SUN2: variants seen among roughly 807,000 people sequenced by gnomAD.
The protein encoded by SUN2 is SUN domain-containing protein 2.
A neutral mutation model predicts 100.0 loss-of-function variants in SUN2; 60 were observed. The observed-to-expected ratio is 0.60, with a 90% CI of 0.49 to 0.74. The LOEUF (loss-of-function observed/expected upper bound fraction) is 0.74. Among genes scored for constraint, SUN2 ranks in the 30% least tolerant of loss-of-function variants. The pLI is 0.00. For missense variants in SUN2, 834 were observed against 954.6 expected (o/e 0.87, Z 1.66); for synonymous variants, 367 against 403.3 (o/e 0.91, Z 1.08).
chr22:38,740,683 C>T lies in SUN2; in HGVS notation c.1191-251G>A, dbSNP rs938954537. The T allele has an allele frequency of 1.0e-5, 6 of 574,308 alleles. No individual in the cohort carries two copies. Among genetic ancestry groups the T allele is most frequent in the African/African-American group, 5.6e-5 (3 of 53,468 alleles). The allele number at this position is 574,308 out of a possible 1,614,324, so 35.6% of individuals were successfully genotyped here. A position where few individuals can be genotyped will look rare whatever the true frequency, so the allele number is the denominator to read the frequency against. On this transcript the variant is annotated intron_variant, in intron 11 of 17. Coordinates refer to ENST00000689035, the MANE Select transcript of SUN2 (RefSeq NM_015374.3). This position sits in a 1 kb window ranked among gnomAD's most constrained non-coding sequence, Gnocchi z 4.8. ...TCCAGAATGTACTCTGCCTCAGCCT[C>T]TCACATCCTCCACAAGCATGGACAT...
In SUN2 at chr22:38,744,202, T is replaced by G. The variant is rs2092884394; in HGVS notation, c.813+1482A>C. On this transcript the variant is annotated intron_variant, in intron 8 of 17. Transcript: ENST00000689035. ...CTGCAGTGAGCCCAGATCGTGCCACTGCACTCCAGCCTGGGTGACGCAGCA... is the reference window on the plus strand; with the variant it reads ...CTGCAGTGAGCCCAGATCGTGCCACGGCACTCCAGCCTGGGTGACGCAGCA... Among the ~76,000 whole-genome samples, 4 of 144,938 alleles carry G rather than the reference T, an allele frequency of 2.8e-5. No homozygotes were observed. In the South Asian group the frequency reaches 8.6e-4, roughly 31 times the overall value.
Position 38,755,426 on chromosome 22 carries a change from T to A in SUN2, c.-38+337A>T, listed in dbSNP as rs902421585. Reference sequence around the variant, plus strand: ...GCAGAGGCTGGGAACTGCCTGTCCCTGGAAACGGCCTGTCTGGCACAAAAC... The same window carrying A: ...GCAGAGGCTGGGAACTGCCTGTCCCAGGAAACGGCCTGTCTGGCACAAAAC... On this transcript the variant is annotated intron_variant, in intron 1 of 17. Coordinates refer to ENST00000689035, the MANE Select transcript of SUN2 (RefSeq NM_015374.3). This position sits in a 1 kb window ranked among gnomAD's most constrained non-coding sequence, Gnocchi z 5.7. The A allele has an allele frequency of 1.0e-6, 1 of 996,480 alleles. No individual in the cohort carries two copies. The highest frequency in any genetic ancestry group is 1.2e-6 in the Non-Finnish European group (1 of 835,300). 61.7% of individuals were successfully genotyped at this position (996,480 alleles called of 1,614,324 possible).
chr22:38,744,524 T>A (rs1034720190), intron 8 of SUN2, among the ~76,000 whole-genome samples: 2 of 152,162 alleles, frequency 1.3e-5, no homozygotes, highest in Admixed American at 1.3e-4. Context: ...AAGGTTACAA[T>A]GAGTTATGAT....
At position 38,748,774 on chromosome 22, in the gene SUN2, C is replaced by G; in HGVS notation, c.624G>C (p.Ser208=). ...LDVFVLTRRF[S]SLKTFLWFLL... ...GGAACCAGAGGAACGTCTTCAGGGA[C>G]GAGAAGCGCCTGGACCACGCGGGAG... The change falls in exon 7 of 18, where the codon TCG becomes TCC. Residue 208 remains serine (S), a synonymous_variant. Coordinates refer to ENST00000689035, the MANE Select transcript of SUN2 (RefSeq NM_015374.3). The G allele has an allele frequency of 6.2e-7, 1 of 1,614,208 alleles. No homozygotes were observed. Among genetic ancestry groups the G allele is most frequent in the Non-Finnish European group, 8.5e-7 (1 of 1,180,026 alleles).
In SUN2 at chr22:38,738,089, C is replaced by T. The variant is rs1296814873; in HGVS notation, c.2040+84G>A. 3.2e-5 allele frequency: 39 copies of T among 1,235,870 alleles called. No individual in the cohort carries two copies. Among genetic ancestry groups the T allele is most frequent in the Non-Finnish European group, 4.3e-5 (36 of 835,850 alleles). 76.6% of individuals were successfully genotyped at this position (1,235,870 alleles called of 1,614,324 possible). On this transcript the variant is annotated intron_variant, in intron 17 of 17. Coordinates refer to ENST00000689035, the MANE Select transcript of SUN2 (RefSeq NM_015374.3). This position sits in a 1 kb window ranked among gnomAD's most constrained non-coding sequence, Gnocchi z 6.6. ...AGGGCTTCCCTCTCTGAACCCCATG[C>T]CTGGCAGGGTAAGTGCCCAGGGAGC...
Position 38,740,524 on chromosome 22 carries a change from C to A in SUN2, c.1191-92G>T. The A allele has an allele frequency of 7.4e-7, 1 of 1,350,268 alleles. No homozygotes were observed. The highest frequency in any genetic ancestry group is 9.7e-7 in the Non-Finnish European group (1 of 1,026,660). The allele number at this position is 1,350,268 out of a possible 1,614,324, so 83.6% of individuals were successfully genotyped here. ...GAAAGAGGACCCCCTAGTGGGCTCC[C>A]GTCAGGAGAGCGGGTGCCCAGCACT... is the stretch of plus-strand genomic sequence containing the variant. On this transcript the variant is annotated intron_variant, in intron 11 of 17. Transcript: ENST00000689035. The surrounding 1 kb of genome is among the most constrained non-coding windows in gnomAD (Gnocchi z 4.8).
In SUN2 at chr22:38,740,451, G is replaced by A; in HGVS notation, c.1191-19C>T. The A allele has an allele frequency of 1.4e-6, 2 of 1,467,518 alleles. No individual in the cohort carries two copies. The highest frequency in any genetic ancestry group is 5.0e-5 in the East Asian group (2 of 39,900). 90.9% of individuals were successfully genotyped at this position (1,467,518 alleles called of 1,614,324 possible). On this transcript the variant is annotated intron_variant, in intron 11 of 17. Transcript: ENST00000689035. The surrounding 1 kb of genome is among the most constrained non-coding windows in gnomAD (Gnocchi z 4.8). ...GGTCATGCTGGTCCCAGAGAGAGAA[G>A]AGTAAGCCTCGGATCTCTTTGGTGG... is the stretch of plus-strand genomic sequence containing the variant.
rs750536048 is a variant in SUN2 at position 38,738,131 on chromosome 22, G to A, written c.2040+42C>T. The A allele has an allele frequency of 6.3e-7, 1 of 1,578,658 alleles. No homozygotes were observed. On this transcript the variant is annotated intron_variant, in intron 17 of 17. Coordinates refer to ENST00000689035, the MANE Select transcript of SUN2 (RefSeq NM_015374.3). This position sits in a 1 kb window ranked among gnomAD's most constrained non-coding sequence, Gnocchi z 6.6. ...CCAGGGAGCACCTGCTGCCTGGATG[G>A]GGAGTCTGCGCCACTTCTGCTAGCA...
intron 2 of SUN2, 70 bp downstream of exon 2, chr22:38,752,437 C>G: frequency 6.5e-7 from 1 of 1,536,514 alleles, no homozygotes; most frequent in Non-Finnish European, 8.8e-7. Context: ...GGCTGGACCA[C>G]AGGGCGTGCG....
chr22:38,746,204 A>T (rs924583037), intron 7 of SUN2, among the ~76,000 whole-genome samples: 3 of 152,216 alleles, frequency 2.0e-5, no homozygotes, highest in Admixed American at 6.5e-5. Context: ...TCTGGAGAGC[A>T]AGCTAATTGG....
chr22:38,745,861 C>T (rs749249525), intron 7 of SUN2, 50 bp from the exon 8 acceptor site: 26 of 1,597,358 alleles, frequency 1.6e-5, no homozygotes, highest in Middle Eastern at 1.8e-4. Flanking sequence ...CAGCAAGAGG[C>T]GCGCGCCAGG....
rs1346001012 is a variant in SUN2 at position 38,742,549 on chromosome 22, G to T, written c.820C>A (p.Gln274Lys). 1.2e-6 allele frequency: 2 copies of T among 1,609,788 alleles called. No individual in the cohort carries two copies. The highest frequency in any genetic ancestry group is 1.7e-5 in the Admixed American group (1 of 59,936). The change falls in exon 9 of 18, where the codon CAG becomes AAG. Residue 274 changes from glutamine to lysine, a missense_variant. By Grantham distance (53) the Gln-to-Lys change is moderately conservative. Coordinates refer to ENST00000689035, the MANE Select transcript of SUN2 (RefSeq NM_015374.3). ...GAGTGTACCCGGGACATAACACGCT[G>T]CTCAGCCTGGAAGGGCAGAGAGAGA... is the stretch of plus-strand genomic sequence containing the variant. ...RDSSPHFQAE[Q>K]RVMSRVHSLE... is the part of the protein sequence containing the mutation.
In SUN2 at chr22:38,738,468, T is replaced by C; in HGVS notation, c.1947+119A>G. Reference sequence around the variant, plus strand: ...TGCTGTCTCCCACCCTAGCTCCTCCTCTTCCAAATCCACTCCCCTCCCTTC... The same window carrying C: ...TGCTGTCTCCCACCCTAGCTCCTCCCCTTCCAAATCCACTCCCCTCCCTTC... On this transcript the variant is annotated intron_variant, in intron 16 of 17. Transcript: ENST00000689035. This position sits in a 1 kb window ranked among gnomAD's most constrained non-coding sequence, Gnocchi z 6.6. 11 of 1,390,330 alleles carry C rather than the reference T, an allele frequency of 7.9e-6. No individual in the cohort carries two copies. Among genetic ancestry groups the C allele is most frequent in the Non-Finnish European group, 4.9e-6 (5 of 1,011,200 alleles). The allele number at this position is 1,390,330 out of a possible 1,614,324, so 86.1% of individuals were successfully genotyped here.
At position 38,738,151 on chromosome 22, in the gene SUN2, C is replaced by CATCCCG. The variant is rs1569294132; in HGVS notation, c.2040+21_2040+22insCGGGAT. The CATCCCG allele has an allele frequency of 6.2e-7, 1 of 1,611,104 alleles. No homozygotes were observed. Among genetic ancestry groups the CATCCCG allele is most frequent in the Non-Finnish European group, 8.5e-7 (1 of 1,177,572 alleles). On this transcript the variant is annotated intron_variant, in intron 17 of 17. Transcript: ENST00000689035. The surrounding 1 kb of genome is among the most constrained non-coding windows in gnomAD (Gnocchi z 6.6). ...GGATGGGGAGTCTGCGCCACTTCTGCTAGCACAGCAGCATCCCGTACCTGA... is the reference window on the plus strand; with the variant it reads ...GGATGGGGAGTCTGCGCCACTTCTGCATCCCGTAGCACAGCAGCATCCCGTACCTGA...
chr22:38,745,263 A>C, intron 8 of SUN2: 1 of 462,460 alleles, frequency 2.2e-6, no homozygotes, highest in Non-Finnish European at 4.5e-6. Context: ...CCCCCAGCCA[A>C]CTGCAGACAG....
chr22:38,751,065 G>T (rs2092941679), intron 3 of SUN2, 30 bp from the exon 4 acceptor site: 1 of 1,609,688 alleles, frequency 6.2e-7, no homozygotes, highest in Non-Finnish European at 8.5e-7. Context: ...GGGCTCTTCT[G>T]GGCCTCCAAG....
rs1453469836 is a variant in SUN2, at chr22:38,739,186, G to A, written c.1663+156C>T. The A allele has an allele frequency of 1.1e-5, 10 of 947,984 alleles. No individual in the cohort carries two copies. The Admixed American group carries it at 1.8e-4, about 17-fold the overall frequency. The allele number at this position is 947,984 out of a possible 1,614,324, so 58.7% of individuals were successfully genotyped here. Reference sequence around the variant, plus strand: ...GTACTCGGTACGTCCTGACTTCCCTGAATTGCCACTTGCCTTTGTCATGGG... The same window carrying A: ...GTACTCGGTACGTCCTGACTTCCCTAAATTGCCACTTGCCTTTGTCATGGG... On this transcript the variant is annotated intron_variant, in intron 14 of 17. Coordinates refer to ENST00000689035, the MANE Select transcript of SUN2 (RefSeq NM_015374.3). The surrounding 1 kb of genome is among the most constrained non-coding windows in gnomAD (Gnocchi z 6.7).
chr22:38,747,796 A>G (rs2092915511), intron 7 of SUN2, among the ~76,000 whole-genome samples: 1 of 151,606 alleles, frequency 6.6e-6, no homozygotes, highest in Non-Finnish European at 1.5e-5. Flanking sequence ...TACAAAAATT[A>G]GCCATGTGTG....
At chr22:38,746,871 A>T (rs1383153034) in intron 7 of SUN2, among the ~76,000 whole-genome samples, 1 of 151,834 alleles carries the variant, frequency 6.6e-6, no homozygotes, top group Non-Finnish European at 1.5e-5. Context: ...CTCTACTAAA[A>T]ATACAAAAAG....
Sources: gnomAD v4.1 joint callset for allele counts (sites outside exome capture counted in the v4.1 genomes callset) on GRCh38, gnomAD v4.1.1 for gene constraint, Gnocchi (gnomAD v3.1) non-coding constraint, MANE v1.5 for transcripts, NCBI Gene and HGNC (gene_info 2026-07-23, HGNC 2026-07-21) for gene names.